ADGRV1: variants seen among roughly 807,000 people sequenced by gnomAD.
ADGRV1 encodes the protein adhesion G protein-coupled receptor V1.
ADGRV1 carries 359 observed loss-of-function variants against 596.2 expected under a neutral mutation model. The observed-to-expected ratio is 0.60, with a 90% CI of 0.55 to 0.66. ADGRV1 has a LOEUF of 0.66. Among genes scored for constraint, ADGRV1 ranks in the 30% least tolerant of loss-of-function variants. The pLI is 0.00. For synonymous variants in ADGRV1, 2,681 were observed against 2,679.2 expected (o/e 1.00, Z -0.02); for missense variants, 7,274 against 7,575.6 (o/e 0.96, Z 1.48).
chr5:91,109,099 G>A (rs1293250644), intron 87 of ADGRV1, among the ~76,000 whole-genome samples: 3 of 152,114 alleles, frequency 2.0e-5, no homozygotes, highest in Non-Finnish European at 2.9e-5. Context: ...CAAATGTAAG[G>A]TTTAAAAATC....
At chr5:90,959,936 A>C (rs35060258) in intron 83 of ADGRV1, among the ~76,000 whole-genome samples, 11 of 151,832 alleles carry the variant, frequency 7.2e-5, no homozygotes, top group Admixed American at 1.3e-4. Context: ...TCAGGAGATC[A>C]AGACCATCCT....
chr5:90,856,710 G>A (rs369274966), intron 82 of ADGRV1, among the ~76,000 whole-genome samples: 3 of 152,170 alleles, frequency 2.0e-5, no homozygotes, highest in African/African-American at 4.8e-5. Flanking sequence ...AGACTGCTTG[G>A]GTTCAAATCC....
At chr5:90,617,643 T>C (rs1169537212) in intron 2 of ADGRV1, 161 bp from the exon 3 acceptor site, 1 of 587,402 alleles carries the variant, frequency 1.7e-6, no homozygotes, top group East Asian at 3.0e-5. Context: ...ATAAGTTTTT[T>C]CAGTTGTTAA....
In ADGRV1 at chr5:91,086,837, T is replaced by C. The variant is rs568139257; in HGVS notation, c.18310+14233T>C. Among the ~76,000 whole-genome samples the C allele has an allele frequency of 2.0e-5, 3 of 152,318 alleles. No individual in the cohort carries two copies. The South Asian group carries it at 6.2e-4, about 32-fold the overall frequency. On this transcript the variant is annotated intron_variant, in intron 86 of 89. Transcript: ENST00000405460. ...TATTTTCTTTCCTGTGAGTTTAAGC[T>C]ATGTGAATATGCCACACCTCTTCTC...
chr5:90,793,623 A>G (rs1444928026), intron 70 of ADGRV1, among the ~76,000 whole-genome samples: 1 of 152,224 alleles, frequency 6.6e-6, no homozygotes, highest in East Asian at 1.9e-4. Context: ...AACATTTTGA[A>G]GCATGTGGTA....
intron 84 of ADGRV1, among the ~76,000 whole-genome samples, chr5:90,972,933 A>G (rs2150999650): frequency 1.3e-5 from 2 of 152,326 alleles, no homozygotes; most frequent in Admixed American, 1.3e-4. Context: ...TGAAAAGATC[A>G]ACAAAACTGA....
chr5:91,110,039 C>A (rs1175039019), intron 87 of ADGRV1, among the ~76,000 whole-genome samples: 1 of 152,080 alleles, frequency 6.6e-6, no homozygotes, highest in Non-Finnish European at 1.5e-5. Context: ...ATCATATAAC[C>A]AAATGTCTCT....
chr5:90,850,292 T>C (rs969470184), intron 79 of ADGRV1, among the ~76,000 whole-genome samples: 3 of 152,180 alleles, frequency 2.0e-5, no homozygotes, highest in Admixed American at 6.5e-5. Context: ...TTAATTTTGA[T>C]GAGTGAGTCC....
intron 66 of ADGRV1, among the ~76,000 whole-genome samples, chr5:90,783,598 ACTTT>A (rs905987077): frequency 6.6e-6 from 1 of 152,202 alleles, no homozygotes; most frequent in Non-Finnish European, 1.5e-5. Context: ...TCTTTAATTC[ACTTT>A]CTTTATGCAT....
intron 89 of ADGRV1, among the ~76,000 whole-genome samples, chr5:91,160,598 GA>G (rs749990157): frequency 1.1e-4 from 16 of 152,280 alleles, no homozygotes; most frequent in Admixed American, 2.0e-4. Flanking sequence ...TTGACCAAAG[GA>G]AAGTGTCCCT....
chr5:90,815,873 A>G, intron 75 of ADGRV1, 137 bp downstream of exon 75: 10 of 607,750 alleles, frequency 1.6e-5, no homozygotes, highest in Middle Eastern at 3.8e-4. Flanking sequence ...CAGATGCTCT[A>G]GTTCTTAATT....
chr5:91,009,834 G>A (rs1782584538), intron 85 of ADGRV1, among the ~76,000 whole-genome samples: 2 of 151,920 alleles, frequency 1.3e-5, no homozygotes, highest in Admixed American at 1.3e-4. Flanking sequence ...TTAGAGTCAA[G>A]GAGAAAGAGA....
At chr5:91,069,733 T>A (rs1342372603) in intron 85 of ADGRV1, among the ~76,000 whole-genome samples, 1 of 152,182 alleles carries the variant, frequency 6.6e-6, no homozygotes, top group African/African-American at 2.4e-5. Flanking sequence ...CACAGCTCTT[T>A]GTCCCAGCAA....
chr5:90,626,410 G>T (rs1161319712), intron 6 of ADGRV1: 2 of 152,152 alleles, frequency 1.3e-5, no homozygotes, highest in Non-Finnish European at 2.9e-5. Context: ...AAATTTGAAA[G>T]ATCAATCGAA....
intron 10 of ADGRV1, among the ~76,000 whole-genome samples, chr5:90,636,192 CT>C (rs1258777134): frequency 1.4e-5 from 2 of 140,760 alleles, no homozygotes; most frequent in African/African-American, 5.1e-5. Context: ...TTGAATTTTT[CT>C]CTTAGGGATG....
At chr5:90,877,162 T>C (rs1247118921) in intron 83 of ADGRV1, among the ~76,000 whole-genome samples, 1 of 152,212 alleles carries the variant, frequency 6.6e-6, no homozygotes, top group African/African-American at 2.4e-5. Flanking sequence ...AGAATCTACA[T>C]ATAATTAAAA....
chr5:90,667,155 C>T (rs1771582305), intron 21 of ADGRV1, among the ~76,000 whole-genome samples: 2 of 148,266 alleles, frequency 1.3e-5, no homozygotes, highest in Admixed American at 6.8e-5. Flanking sequence ...TGAACGTTGG[C>T]CTGCCTTGCT....
Position 91,153,388 on chromosome 5 carries a change from A to G in ADGRV1, c.18792A>G (p.Ala6264=), listed in dbSNP as rs761546479. Residue 6264 remains alanine (A), a synonymous_variant, in exon 89 of 90, where the codon GCA becomes GCG. Coordinates refer to ENST00000405460, the MANE Select transcript of ADGRV1 (RefSeq NM_032119.4). The stretch of plus-strand genomic sequence containing the variant: ...AGGAGTTTGATGATTTAATATTTGC[A>G]TTAAAAACTGGTATGTATGAACCCA... The part of the protein sequence containing the change: ...ESQEFDDLIF[A]LKTGAGLSVS... The G allele has an allele frequency of 1.2e-6, 2 of 1,602,758 alleles. No homozygotes were observed. The highest frequency in any genetic ancestry group is 1.1e-5 in the South Asian group (1 of 89,568).
At position 90,637,816 on chromosome 5, in the gene ADGRV1, C is replaced by A. The variant is rs373530184; in HGVS notation, c.2108C>A (p.Thr703Asn). The change falls in exon 11 of 90, where the codon ACC becomes AAC. Residue 703 changes from threonine to asparagine, a missense_variant. Transcript: ENST00000405460. ...TCTGGCTTTAATTCAAAAGCAGTGA[C>A]CCCGGATGATATAGGCCCCTTTAAT... ...KPSGFNSKAV[T>N]PDDIGPFNGS... The A allele has an allele frequency of 3.1e-6, 5 of 1,613,494 alleles. No homozygotes were observed. In the African/African-American group the frequency reaches 5.3e-5, roughly 17 times the overall value.
Sources: allele counts gnomAD v4.1 joint callset (sites outside exome capture counted in the v4.1 genomes callset), GRCh38; gene constraint gnomAD v4.1.1; transcripts MANE v1.5; gene names NCBI Gene and HGNC (gene_info 2026-07-23, HGNC 2026-07-21).